Variants in ADAMTS9 observed in about 807,000 individuals in gnomAD.
ADAMTS9 encodes A disintegrin and metalloproteinase with thrombospondin motifs 9.
In ADAMTS9, 107 loss-of-function variants were observed where a neutral mutation model predicts 257.1. The observed-to-expected ratio is 0.42, with a 90% CI of 0.36 to 0.49. ADAMTS9 has a LOEUF of 0.49. Ranked by LOEUF, ADAMTS9 falls within the 20% of genes least tolerant of loss-of-function variation. ADAMTS9 has a pLI of 0.03. For missense variants in ADAMTS9, 2,353 were observed against 2,469.1 expected (o/e 0.95, Z 1.00); for synonymous variants, 982 against 880.9 (o/e 1.11, Z -2.03).
At chr3:64,558,286 A>G (rs1377450228) in intron 30 of ADAMTS9, among the ~76,000 whole-genome samples, 1 of 152,216 alleles carries the variant, frequency 6.6e-6, no homozygotes, top group African/African-American at 2.4e-5. Flanking sequence ...GATCATTGAT[A>G]AATTAACCTA....
intron 3 of ADAMTS9, among the ~76,000 whole-genome samples, chr3:64,670,303 ACTGGTTGG>A (rs1701456086): frequency 6.6e-6 from 1 of 152,188 alleles, no homozygotes; most frequent in African/African-American, 2.4e-5. Flanking sequence ...CAAAAAGTAC[ACTGGTTGG>A]ACATGGAGAG....
At position 64,546,836 on chromosome 3, in the gene ADAMTS9, C is replaced by A; in HGVS notation, c.4986G>T (p.Thr1662=). 9 of 1,614,096 alleles carry A rather than the reference C, an allele frequency of 5.6e-6. No individual in the cohort carries two copies. The highest frequency in any genetic ancestry group is 7.6e-6 in the Non-Finnish European group (9 of 1,179,988). The stretch of plus-strand genomic sequence containing the variant: ...AACAGGGGTGAACACTGGGGGGCTG[C>A]GTGCCTGGGCAGTTGATGGTGGTTT... The part of the protein sequence containing the change: ...SYQTTINCPG[T]QPPSVHPCYL... Residue 1662 remains threonine (T), a synonymous_variant, in exon 32 of 40, where the codon ACG becomes ACT. Transcript: ENST00000498707.
chr3:64,519,443 T>A (rs1407018974), intron 39 of ADAMTS9, among the ~76,000 whole-genome samples: 1 of 152,096 alleles, frequency 6.6e-6, no homozygotes, highest in Non-Finnish European at 1.5e-5. Flanking sequence ...TCCTAACTCA[T>A]TCTATGAAAC....
Position 64,631,907 on chromosome 3 carries a change from C to T in ADAMTS9, c.2194G>A (p.Val732Ile), listed in dbSNP as rs749080601. The T allele has an allele frequency of 8.7e-6, 14 of 1,613,602 alleles. No individual in the cohort carries two copies. Among genetic ancestry groups the T allele is most frequent in the African/African-American group, 1.3e-5 (1 of 74,902 alleles). Reference protein sequence around the residue: ...GLCRQAGCDHVLNSKARRDKC... With the variant: ...GLCRQAGCDHILNSKARRDKC... The stretch of plus-strand genomic sequence containing the variant: ...TCTCTCCGGGCTTTTGAGTTTAAAA[C>T]ATGATCGCATCCAGCTTGCTTTTAA... Residue 732 changes from valine (V) to isoleucine (I), a missense_variant, in exon 15 of 40, where the codon GTT (valine) becomes ATT (isoleucine). By Grantham distance (29) the Val-to-Ile change is conservative (BLOSUM62 3). Around this residue, in one of 3 missense-constraint regions of ADAMTS9, gnomAD observed 360 missense variants for 458.1 expected, o/e 0.79. Transcript: ENST00000498707.
At chr3:64,578,728 T>C (rs1288448561) in intron 28 of ADAMTS9, among the ~76,000 whole-genome samples, 1 of 152,224 alleles carries the variant, frequency 6.6e-6, no homozygotes. Context: ...TTTTAATCGG[T>C]GGCAACTCCA....
At chr3:64,613,539 C>A (rs375059716) in intron 21 of ADAMTS9, 30 bp from the exon 22 acceptor site, 40 of 1,597,672 alleles carry the variant, frequency 2.5e-5, no homozygotes, top group Non-Finnish European at 3.2e-5. Flanking sequence ...TAGTCAGGGT[C>A]ATTTCTGATC....
chr3:64,559,545 C>A (rs994049836), intron 30 of ADAMTS9, among the ~76,000 whole-genome samples: 1 of 152,212 alleles, frequency 6.6e-6, no homozygotes, highest in Admixed American at 6.5e-5. Context: ...AGAATGGCAA[C>A]CCTCTAGTAA....
intron 28 of ADAMTS9, chr3:64,582,477 G>A (rs2084030800): frequency 6.6e-6 from 1 of 152,156 alleles, no homozygotes. Flanking sequence ...TATCAAATAT[G>A]TCTGGTAAAT....
At chr3:64,683,112 C>A (rs1402092624) in intron 2 of ADAMTS9, among the ~76,000 whole-genome samples, 1 of 152,180 alleles carries the variant, frequency 6.6e-6, no homozygotes, top group Non-Finnish European at 1.5e-5. Context: ...TTATTCTCTG[C>A]CTGTGTTCAA....
chr3:64,666,021 A>T (rs1701347126), intron 3 of ADAMTS9, among the ~76,000 whole-genome samples: 1 of 151,900 alleles, frequency 6.6e-6, no homozygotes, highest in South Asian at 2.1e-4. Context: ...AACAGCAATG[A>T]CAAAACAAGA....
At position 64,543,725 on chromosome 3, in the gene ADAMTS9, T is replaced by C. The variant is rs185929674; in HGVS notation, c.5065-1755A>G. On this transcript the variant is annotated intron_variant, in intron 32 of 39. Coordinates refer to ENST00000498707, the MANE Select transcript of ADAMTS9 (RefSeq NM_182920.2). The stretch of plus-strand genomic sequence containing the variant: ...ATTGGCACAAGACAGGGATGCCCCC[T>C]CTCACCACTCCTATTCAACATAGTG... Among the ~76,000 whole-genome samples the C allele has an allele frequency of 5.0e-3, 766 of 152,276 alleles. 2 individuals are homozygous for C. Among genetic ancestry groups the C allele is most frequent in the African/African-American group, 0.018 (744 of 41,560 alleles).
Position 64,542,816 on chromosome 3 carries a change from T to C in ADAMTS9, c.5065-846A>G, listed in dbSNP as rs202158539. 3.2e-4 allele frequency among the ~76,000 whole-genome samples: 48 copies of C among 152,102 alleles called. No individual in the cohort carries two copies. In the East Asian group the frequency reaches 8.3e-3, roughly 26 times the overall value. ...CACAAAAAGCCCTTCAAAAAATCAATGAATCCAGGAGCCGGTTTTTTGAAA... is the reference window on the plus strand; with the variant it reads ...CACAAAAAGCCCTTCAAAAAATCAACGAATCCAGGAGCCGGTTTTTTGAAA... On this transcript the variant is annotated intron_variant, in intron 32 of 39. Transcript: ENST00000498707.
intron 19 of ADAMTS9, among the ~76,000 whole-genome samples, chr3:64,618,393 T>A (rs1276240064): frequency 6.6e-6 from 1 of 152,156 alleles, no homozygotes; most frequent in Non-Finnish European, 1.5e-5. Flanking sequence ...AATGGGAAAT[T>A]TAGAATTTAG....
intron 3 of ADAMTS9, among the ~76,000 whole-genome samples, chr3:64,675,883 G>A (rs1214304156): frequency 6.6e-6 from 1 of 152,164 alleles, no homozygotes; most frequent in African/African-American, 2.4e-5. Context: ...GTGTAGCATA[G>A]TGATCCCATA....
intron 5 of ADAMTS9, 22 bp downstream of exon 5, chr3:64,655,770 A>G: frequency 6.4e-7 from 1 of 1,567,836 alleles, no homozygotes; most frequent in Non-Finnish European, 8.6e-7. Flanking sequence ...AGATAGAAGA[A>G]AAAAGAAAAA....
At chr3:64,660,569 C>T (rs1338118374) in intron 3 of ADAMTS9, among the ~76,000 whole-genome samples, 1 of 152,186 alleles carries the variant, frequency 6.6e-6, no homozygotes, top group East Asian at 1.9e-4. Context: ...CCTGCCCCAT[C>T]CTGCCTGGGG....
intron 16 of ADAMTS9, among the ~76,000 whole-genome samples, chr3:64,622,898 G>C (rs559861622): frequency 2.2e-4 from 34 of 152,286 alleles, no homozygotes; most frequent in African/African-American, 7.9e-4. Context: ...AAGACCCACA[G>C]TTATAGAATT....
intron 3 of ADAMTS9, among the ~76,000 whole-genome samples, chr3:64,668,212 C>T (rs1017008520): frequency 5.9e-5 from 9 of 152,136 alleles, no homozygotes; most frequent in African/African-American, 9.7e-5. Flanking sequence ...GCAAGCCACA[C>T]GTGAAAGTTA....
chr3:64,652,591 C>A (rs4688213), intron 8 of ADAMTS9, among the ~76,000 whole-genome samples: 49,743 of 151,962 alleles, frequency 0.33, 8,431 homozygotes, highest in African/African-American at 0.41. Context: ...AGTTTATTAC[C>A]TCATGTAAAT....
Sources: allele counts gnomAD v4.1 joint callset (sites outside exome capture counted in the v4.1 genomes callset), GRCh38; gene constraint gnomAD v4.1.1; regional missense constraint gnomAD v4.1.1; transcripts MANE v1.5; gene names NCBI Gene and HGNC (gene_info 2026-07-23, HGNC 2026-07-21).